The following TASP1 variants were observed in gnomAD, a reference collection of about 807,000 sequenced individuals.
TASP1 encodes taspase 1, also known as threonine aspartase 1.
Under a neutral mutation model 56.6 loss-of-function variants are expected in TASP1, and 16 were observed. The ratio of observed to expected loss-of-function variants is 0.28; its 90% CI spans 0.19 to 0.43. The LOEUF (loss-of-function observed/expected upper bound fraction) is 0.43, where lower values mean the gene tolerates loss of function less well. Among genes scored for constraint, TASP1 ranks in the 20% least tolerant of loss-of-function variants. The pLI, the probability that TASP1 is intolerant of heterozygous loss-of-function variation, is 1.00. For synonymous variants in TASP1, 179 were observed against 184.2 expected, an observed-to-expected ratio of 0.97 and a Z score of 0.23; for missense variants, 393 against 511.6, an observed-to-expected ratio of 0.77 and a Z score of 2.24.
the TASP1 span, among the ~76,000 whole-genome samples, chr20:13,223,098 A>C: frequency 2.6e-5 from 4 of 151,992 alleles, no homozygotes; most frequent in African/African-American, 9.7e-5. Context: ...GGGAGGTTGT[A>C]GTGAGCTGAG....
At chr20:13,608,288 C>T (rs145604511) in intron 4 of TASP1, among the ~76,000 whole-genome samples, 2 of 152,234 alleles carry the variant, frequency 1.3e-5, no homozygotes, top group African/African-American at 4.8e-5. Context: ...CTGAAAAAAT[C>T]ATTTGGGGAA....
At chr20:13,146,152 C>A in the TASP1 span, among the ~76,000 whole-genome samples, 2,799 of 152,240 alleles carry the variant, frequency 0.018, 55 homozygotes, top group South Asian at 0.03. Flanking sequence ...GGAGGCTATT[C>A]TCCTTAGCAA....
chr20:13,566,515 A>G (rs2046534308), intron 7 of TASP1, among the ~76,000 whole-genome samples: 2 of 152,046 alleles, frequency 1.3e-5, no homozygotes, highest in African/African-American at 4.8e-5. Context: ...ATTGATAAAC[A>G]CAACCTGGAT....
At chr20:13,403,690 T>C (rs2041818898) in intron 13 of TASP1, among the ~76,000 whole-genome samples, 2 of 152,062 alleles carry the variant, frequency 1.3e-5, no homozygotes, top group African/African-American at 2.4e-5. Flanking sequence ...CAATCTTACC[T>C]GGGGAACATA....
At chr20:13,578,238 T>C (rs900229057) in intron 6 of TASP1, among the ~76,000 whole-genome samples, 3 of 152,122 alleles carry the variant, frequency 2.0e-5, no homozygotes, top group African/African-American at 4.8e-5. Flanking sequence ...CCTTGATTAA[T>C]ATTATTGGGC....
the TASP1 span, among the ~76,000 whole-genome samples, chr20:13,311,251 A>AGATAGATAGATAGATAGATAGAT: frequency 1.6e-5 from 2 of 127,518 alleles, no homozygotes; most frequent in Non-Finnish European, 3.3e-5. Flanking sequence ...GATGATAGAT[A>AGATAGATAGATAGATAGATAGAT]GATAGATAGA....
chr20:13,329,479 T>C, the TASP1 span, among the ~76,000 whole-genome samples: 1 of 152,192 alleles, frequency 6.6e-6, no homozygotes, highest in Non-Finnish European at 1.5e-5. Flanking sequence ...AAAATAGATT[T>C]CTATTGGTCA....
the TASP1 span, chr20:13,292,254 G>A: frequency 5.9e-5 from 38 of 644,798 alleles, no homozygotes; most frequent in Non-Finnish European, 8.5e-5. Flanking sequence ...GTTTCTGCCC[G>A]TGAGTAGTAA....
the TASP1 span, among the ~76,000 whole-genome samples, chr20:13,220,786 A>T: frequency 6.6e-6 from 1 of 152,166 alleles, no homozygotes; most frequent in African/African-American, 2.4e-5. Context: ...CAGGGGTCGC[A>T]GGCAGACGCA....
Position 13,525,460 on chromosome 20 carries a change from C to T in TASP1, c.874+2973G>A, listed in dbSNP as rs181582548. Among the ~76,000 whole-genome samples, 8 of 152,242 alleles carry T rather than the reference C, an allele frequency of 5.3e-5. No homozygotes were observed. The East Asian group carries it at 1.5e-3, about 29-fold the overall frequency. On this transcript the variant is annotated intron_variant, in intron 10 of 13. Coordinates refer to ENST00000337743, the MANE Select transcript of TASP1 (RefSeq NM_017714.3). ...CTCCCCAAGCCCTTACTCATTTCTCCTCACCCAGTGATGAGAACAAGATGC... is the reference window on the plus strand; with the variant it reads ...CTCCCCAAGCCCTTACTCATTTCTCTTCACCCAGTGATGAGAACAAGATGC...
At chr20:13,351,305 A>T in the TASP1 span, among the ~76,000 whole-genome samples, 1 of 152,304 alleles carries the variant, frequency 6.6e-6, no homozygotes, top group African/African-American at 2.4e-5. Flanking sequence ...TTACCATATG[A>T]CCCAAAAACC....
intron 10 of TASP1, among the ~76,000 whole-genome samples, chr20:13,495,657 C>A (rs950375119): frequency 3.3e-5 from 5 of 152,058 alleles, no homozygotes; most frequent in Non-Finnish European, 5.9e-5. Context: ...TAACAAAAGA[C>A]AAATAGACAA....
chr20:13,531,667 C>CTGTTT (rs1360831860), intron 9 of TASP1, among the ~76,000 whole-genome samples: 1 of 151,296 alleles, frequency 6.6e-6, no homozygotes, highest in African/African-American at 2.4e-5. Flanking sequence ...AATTTTTGTT[C>CTGTTT]TGTTTTGTTT....
the TASP1 span, among the ~76,000 whole-genome samples, chr20:13,278,631 C>T: frequency 6.6e-6 from 1 of 152,188 alleles, no homozygotes; most frequent in African/African-American, 2.4e-5. Flanking sequence ...CTCTGTGCAC[C>T]AGTTTTCCTT....
the TASP1 span, among the ~76,000 whole-genome samples, chr20:13,359,027 G>A: frequency 0.011 from 1,566 of 144,530 alleles, 58 homozygotes; most frequent in East Asian, 0.13. Context: ...CACCCTTAGC[G>A]GCAAGTCCCG....
the TASP1 span, among the ~76,000 whole-genome samples, chr20:13,296,830 C>T: frequency 6.6e-6 from 1 of 152,108 alleles, no homozygotes; most frequent in Non-Finnish European, 1.5e-5. Context: ...CCAACCTGGC[C>T]AATGTGGTGA....
At chr20:13,424,927 TC>T (rs33975834) in intron 12 of TASP1, among the ~76,000 whole-genome samples, 9,682 of 152,270 alleles carry the variant, frequency 0.064, 453 homozygotes, top group African/African-American at 0.13. Context: ...ACATATCATG[TC>T]ATACAAATGC....
the TASP1 span, among the ~76,000 whole-genome samples, chr20:13,259,153 T>C: frequency 1.1e-4 from 16 of 152,098 alleles, no homozygotes; most frequent in Non-Finnish European, 2.1e-4. Flanking sequence ...CATGGTGGTA[T>C]GCGCCTGTAG....
intron 6 of TASP1, among the ~76,000 whole-genome samples, chr20:13,579,249 G>A (rs1160213426): frequency 1.3e-5 from 2 of 152,192 alleles, no homozygotes; most frequent in Non-Finnish European, 2.9e-5. Context: ...AAAAGGTATG[G>A]CTAGAAGGAC....
Sources: gnomAD v4.1 joint callset for allele counts (sites outside exome capture counted in the v4.1 genomes callset) on GRCh38, gnomAD v4.1.1 for gene constraint, MANE v1.5 for transcripts, NCBI Gene and HGNC (gene_info 2026-07-23, HGNC 2026-07-21) for gene names.